GNA11: variants seen among roughly 807,000 people sequenced by gnomAD.
GNA11 encodes guanine nucleotide-binding protein subunit alpha-11.
GNA11 carries 8 observed loss-of-function variants against 38.2 expected under a neutral mutation model. That is an observed-to-expected ratio of 0.21 (90% CI 0.12 to 0.38). GNA11 has a LOEUF of 0.38. GNA11 is among the 10% of genes least tolerant of loss of function. GNA11 has a pLI of 1.00. For synonymous variants in GNA11, 211 were observed against 221.4 expected (o/e 0.95, Z 0.42); for missense variants, 268 against 516.3 (o/e 0.52, Z 4.66).
chr19:3,119,068 G>C lies in GNA11; in HGVS notation c.735+15G>C, dbSNP rs763870839. ...CGGACAACGAGGTGGGCCCTGCCCTGAGCAGGGGCAGCGTTGGGGGCCGGG... is the reference window on the plus strand; with the variant it reads ...CGGACAACGAGGTGGGCCCTGCCCTCAGCAGGGGCAGCGTTGGGGGCCGGG... On this transcript the variant is annotated intron_variant, in intron 5 of 6. Coordinates refer to ENST00000078429, the MANE Select transcript of GNA11 (RefSeq NM_002067.5). This position sits in a 1 kb window ranked among gnomAD's most constrained non-coding sequence, Gnocchi z 4.6. The C allele has an allele frequency of 5.0e-6, 8 of 1,612,498 alleles. No individual in the cohort carries two copies. Among genetic ancestry groups the C allele is most frequent in the Non-Finnish European group, 5.1e-6 (6 of 1,179,072 alleles).
In GNA11 at chr19:3,094,431, G is replaced by T; in HGVS notation, c.-221G>T. 1 of 147,450 alleles carries T rather than the reference G, an allele frequency of 6.8e-6. No homozygotes were observed. The highest frequency in any genetic ancestry group is 1.8e-4 in the South Asian group (1 of 5,564). The allele number at this position is 147,450 out of a possible 1,614,324, so 9.1% of individuals were successfully genotyped here. ...GGTGGCTGCGGCGGCGGCGCGGGCT[G>T]AGTGCGGCCGCGCGGGAGTCCGCGG... On this transcript the variant is annotated 5_prime_UTR_variant, in exon 1 of 7. Transcript: ENST00000078429. The surrounding 1 kb of genome is among the most constrained non-coding windows in gnomAD (Gnocchi z 6.0).
chr19:3,118,960 G>A lies in GNA11; in HGVS notation c.642G>A (p.Arg214=), dbSNP rs749372899. The change falls in exon 5 of 7, where the codon AGG becomes AGA. Residue 214 remains arginine, a synonymous_variant. Transcript: ENST00000078429. The part of the protein sequence containing the change: ...VDVGGQRSER[R]KWIHCFENVT... Reference sequence around the variant, plus strand: ...TGGGGGGCCAGCGGTCGGAGCGGAGGAAGTGGATCCACTGCTTTGAGAACG... The same window carrying A: ...TGGGGGGCCAGCGGTCGGAGCGGAGAAAGTGGATCCACTGCTTTGAGAACG... 1.2e-6 allele frequency: 2 copies of A among 1,613,690 alleles called. No individual in the cohort carries two copies. The highest frequency in any genetic ancestry group is 1.1e-5 in the South Asian group (1 of 91,082).
rs150837863 is a variant in GNA11, at chr19:3,123,359, C to A, written c.*2180C>A. On this transcript the variant is annotated 3_prime_UTR_variant, in exon 7 of 7. Transcript: ENST00000078429. ...GTCTGAGTGCCTGATCCCCTGCCCC[C>A]CAAAAAAGCAGAGGTAGGTGTTGCA... is the stretch of plus-strand genomic sequence containing the variant. 1.3e-4 allele frequency: 31 copies of A among 233,104 alleles called. No homozygotes were observed. Among genetic ancestry groups the A allele is most frequent in the Admixed American group, 3.9e-4 (7 of 17,768 alleles). The allele number at this position is 233,104 out of a possible 1,614,324, so 14.4% of individuals were successfully genotyped here. A position where few individuals can be genotyped will look rare whatever the true frequency, so the allele number is the denominator to read the frequency against.
intron 1 of GNA11, among the ~76,000 whole-genome samples, chr19:3,098,599 A>G (rs1321277335): frequency 6.6e-6 from 1 of 152,230 alleles, no homozygotes; most frequent in Non-Finnish European, 1.5e-5. Context: ...CAGGATGGTT[A>G]GTTCCGGAGG....
At chr19:3,104,778 C>T (rs1474381781) in intron 1 of GNA11, among the ~76,000 whole-genome samples, 3 of 152,206 alleles carry the variant, frequency 2.0e-5, no homozygotes, top group Non-Finnish European at 4.4e-5. Context: ...GGCACTGCCA[C>T]ACCTCACTGA....
At position 3,109,552 on chromosome 19, in the gene GNA11, C is replaced by T. The variant is rs935549265; in HGVS notation, c.137-597C>T. Among the ~76,000 whole-genome samples the T allele has an allele frequency of 1.1e-4, 17 of 152,324 alleles. No homozygotes were observed. In the South Asian group the frequency reaches 1.9e-3, roughly 17 times the overall value. On this transcript the variant is annotated intron_variant, in intron 1 of 6. Transcript: ENST00000078429. The stretch of plus-strand genomic sequence containing the variant: ...TCAGGGCCACCTGTGGCAGGCACAA[C>T]GGTCCTGGCTGACCCCGCCACAGCA...
rs1047837303 is a variant in GNA11 at position 3,121,836 on chromosome 19, CTTTTA to C, written c.*672_*676del. ...TCGCCCACCCTGGGAAGTGCCTAAC[CTTTTA>C]TTTTATTTTATTTTTTTGAGGAAAA... On this transcript the variant is annotated 3_prime_UTR_variant, in exon 7 of 7. Transcript: ENST00000078429. 136 of 231,796 alleles carry C rather than the reference CTTTTA, an allele frequency of 5.9e-4. 1 individual carries two copies. The highest frequency in any genetic ancestry group is 2.0e-3 in the South Asian group (11 of 5,520). The allele number at this position is 231,796 out of a possible 1,614,324, so 14.4% of individuals were successfully genotyped here. A position where few individuals can be genotyped will look rare whatever the true frequency, so the allele number is the denominator to read the frequency against.
chr19:3,103,559 G>A (rs1307531991), intron 1 of GNA11, among the ~76,000 whole-genome samples: 1 of 67,956 alleles, frequency 1.5e-5, no homozygotes, highest in African/African-American at 5.1e-5. Context: ...TTGAGACAAG[G>A]TCTCACTTGT....
At chr19:3,102,716 C>T (rs1913536011) in intron 1 of GNA11, among the ~76,000 whole-genome samples, 1 of 152,168 alleles carries the variant, frequency 6.6e-6, no homozygotes, top group Non-Finnish European at 1.5e-5. Context: ...GCATGAGGCC[C>T]CTTGTGAAGC....
chr19:3,094,587 C>CAGGGCCGGGCCG lies in GNA11; in HGVS notation c.-64_-53dup, dbSNP rs1913313068. 2 of 852,900 alleles carry CAGGGCCGGGCCG rather than the reference C, an allele frequency of 2.3e-6. No homozygotes were observed. The highest frequency in any genetic ancestry group is 2.8e-6 in the Non-Finnish European group (2 of 708,144). 52.8% of individuals were successfully genotyped at this position (852,900 alleles called of 1,614,324 possible). The stretch of plus-strand genomic sequence containing the variant: ...GGGCGGCGGCCGAGGCGGCTCCGGC[C>CAGGGCCGGGCCG]AGGGCCGGGCCGGGGGCCGGGGGGC... On this transcript the variant is annotated 5_prime_UTR_variant, in exon 1 of 7. Transcript: ENST00000078429. The surrounding 1 kb of genome is among the most constrained non-coding windows in gnomAD (Gnocchi z 6.0).
At position 3,121,760 on chromosome 19, in the gene GNA11, G is replaced by A; in HGVS notation, c.*581G>A. The A allele has an allele frequency of 8.6e-6, 2 of 232,690 alleles. No homozygotes were observed. The highest frequency in any genetic ancestry group is 1.7e-5 in the Non-Finnish European group (2 of 117,668). The allele number at this position is 232,690 out of a possible 1,614,324, so 14.4% of individuals were successfully genotyped here. The stretch of plus-strand genomic sequence containing the variant: ...GCGCCTCGCCTCTTCACCCATCAAC[G>A]CTGTGCTTTGCCCACTGGACTCCTG... On this transcript the variant is annotated 3_prime_UTR_variant, in exon 7 of 7. Coordinates refer to ENST00000078429, the MANE Select transcript of GNA11 (RefSeq NM_002067.5).
intron 4 of GNA11, chr19:3,118,642 G>C (rs1913984840): frequency 5.1e-6 from 2 of 389,080 alleles, no homozygotes; most frequent in Non-Finnish European, 9.3e-6. Context: ...CTGGCGCCCA[G>C]AATCCTCTGG....
intron 1 of GNA11, among the ~76,000 whole-genome samples, chr19:3,105,676 G>T (rs555351334): frequency 6.6e-6 from 1 of 152,280 alleles, no homozygotes; most frequent in Non-Finnish European, 1.5e-5. Flanking sequence ...CATTGCTATG[G>T]GTGGGACCAC....
chr19:3,109,280 C>T (rs959713347), intron 1 of GNA11, among the ~76,000 whole-genome samples: 2 of 152,164 alleles, frequency 1.3e-5, no homozygotes, highest in African/African-American at 2.4e-5. Flanking sequence ...AGTGAGGACC[C>T]CCATGTCACC....
chr19:3,118,715 A>G, intron 4 of GNA11: 1 of 534,740 alleles, frequency 1.9e-6, no homozygotes, highest in Non-Finnish European at 3.3e-6. Flanking sequence ...CCCCTTTGCC[A>G]GTGAGGGAAG....
At position 3,120,338 on chromosome 19, in the gene GNA11, C is replaced by T. The variant is rs1240718575; in HGVS notation, c.890-651C>T. The stretch of plus-strand genomic sequence containing the variant: ...CAGCCTGTCCTGTGGGCTCAGAGAG[C>T]CCTGGTGGGGGGAGGCCAAGGGACT... On this transcript the variant is annotated intron_variant, in intron 6 of 6. Coordinates refer to ENST00000078429, the MANE Select transcript of GNA11 (RefSeq NM_002067.5). This position sits in a 1 kb window ranked among gnomAD's most constrained non-coding sequence, Gnocchi z 5.9. 6.6e-6 allele frequency among the ~76,000 whole-genome samples: 1 copy of T among 152,030 alleles called. No individual in the cohort carries two copies. Among genetic ancestry groups the T allele is most frequent in the Non-Finnish European group, 1.5e-5 (1 of 67,972 alleles).
At chr19:3,097,930 C>G in intron 1 of GNA11, among the ~76,000 whole-genome samples, 1 of 151,894 alleles carries the variant, frequency 6.6e-6, no homozygotes, top group Non-Finnish European at 1.5e-5. Context: ...CCACAGATGT[C>G]TCTAGACAGT....
chr19:3,114,797 G>A (rs1599304779), intron 3 of GNA11, 147 bp from the exon 4 acceptor site: 1 of 708,002 alleles, frequency 1.4e-6, no homozygotes, highest in East Asian at 2.9e-5. Context: ...AGCCCTCCGG[G>A]CTGCTTCAGA....
chr19:3,096,008 T>A (rs1458645452), intron 1 of GNA11, among the ~76,000 whole-genome samples: 1 of 152,038 alleles, frequency 6.6e-6, no homozygotes, highest in Non-Finnish European at 1.5e-5. Flanking sequence ...AGCTCCTAGG[T>A]TAGCTCCTGG....
Sources: allele counts gnomAD v4.1 joint callset (sites outside exome capture counted in the v4.1 genomes callset), GRCh38; gene constraint gnomAD v4.1.1; non-coding constraint Gnocchi (gnomAD v3.1); transcripts MANE v1.5; gene names NCBI Gene and HGNC (gene_info 2026-07-23, HGNC 2026-07-21).